FAM13B: variants seen among roughly 807,000 people sequenced by gnomAD.
FAM13B encodes protein FAM13B.
FAM13B carries 60 observed loss-of-function variants against 117.3 expected under a neutral mutation model. The ratio of observed to expected loss-of-function variants is 0.51; its 90% CI spans 0.42 to 0.63. The LOEUF is 0.63. Among genes scored for constraint, FAM13B ranks in the 30% least tolerant of loss-of-function variants. FAM13B has a pLI of 0.00. For synonymous variants in FAM13B, 332 were observed against 356.1 expected (o/e 0.93, Z 0.76); for missense variants, 972 against 1,091.9 (o/e 0.89, Z 1.55).
intron 10 of FAM13B, among the ~76,000 whole-genome samples, chr5:137,967,543 A>T (rs1001304313): frequency 6.6e-6 from 1 of 152,090 alleles, no homozygotes; most frequent in African/African-American, 2.4e-5. Context: ...TGTACAAACC[A>T]AAAAGGAAAA....
At chr5:137,949,491 T>C (rs1199604120) in intron 17 of FAM13B, among the ~76,000 whole-genome samples, 1 of 152,052 alleles carries the variant, frequency 6.6e-6, no homozygotes, top group Non-Finnish European at 1.5e-5. Context: ...TTTTTTAAAT[T>C]AGCCAAGGCT....
chr5:138,020,932 A>G, intron 2 of FAM13B, 99 bp downstream of exon 2: 1 of 764,862 alleles, frequency 1.3e-6, no homozygotes, highest in Non-Finnish European at 1.8e-6. Context: ...GCTAAGAACT[A>G]TAAAACCTCA....
At chr5:137,973,519 T>C (rs551781937) in intron 10 of FAM13B, among the ~76,000 whole-genome samples, 2,170 of 152,220 alleles carry the variant, frequency 0.014, 55 homozygotes, top group African/African-American at 0.049. Flanking sequence ...GAAGAAAACC[T>C]AGGCATTACC....
intron 4 of FAM13B, 53 bp from the exon 5 acceptor site, chr5:138,011,998 G>A (rs1490925134): frequency 5.2e-6 from 7 of 1,348,314 alleles, no homozygotes; most frequent in Non-Finnish European, 7.1e-6. Flanking sequence ...GCAAAGCTCT[G>A]ATATTTTGCC....
At chr5:138,008,953 G>A (rs1286782178) in intron 6 of FAM13B, among the ~76,000 whole-genome samples, 1 of 152,182 alleles carries the variant, frequency 6.6e-6, no homozygotes, top group Non-Finnish European at 1.5e-5. Context: ...GACCAGCCTG[G>A]CCAACATGGC....
chr5:137,945,875 C>A, intron 20 of FAM13B, 27 bp downstream of exon 20: 1 of 1,528,430 alleles, frequency 6.5e-7, no homozygotes, highest in Non-Finnish European at 9.0e-7. Flanking sequence ...TAAAATGAAC[C>A]AGAGAATTAT....
intron 4 of FAM13B, among the ~76,000 whole-genome samples, chr5:138,017,097 T>G (rs72801655): frequency 6.6e-6 from 1 of 152,198 alleles, no homozygotes; most frequent in African/African-American, 2.4e-5. Flanking sequence ...TAATAACATT[T>G]CGTTTTAAAA....
At chr5:138,026,628 CAAAAAAAAAAAAAAAAAAA>C (rs56195021) in intron 1 of FAM13B, among the ~76,000 whole-genome samples, 18 of 29,438 alleles carry the variant, frequency 6.1e-4, no homozygotes, top group Admixed American at 1.1e-3. Flanking sequence ...GACCGTGTCT[CAAAAAAAAAAAAAAAAAAA>C]AAAAAAAATT....
intron 1 of FAM13B, among the ~76,000 whole-genome samples, chr5:138,046,467 A>G (rs904766408): frequency 6.6e-6 from 1 of 152,064 alleles, no homozygotes; most frequent in Non-Finnish European, 1.5e-5. Context: ...CTCTTTCCCT[A>G]ATTGGATGGT....
chr5:138,007,123 C>A lies in FAM13B; in HGVS notation c.715G>T (p.Glu239Ter). ...ATATGTTCCAGCTTTTCATCTTCCT[C>A]TTCTTCCTCAGAAAGTTCATTAACC... ...EQVNELSEEE[E>*]EDEKLEHIEE... is the part of the protein sequence containing the mutation. The change falls in exon 7 of 24, where the codon GAG becomes TAG. Residue 239 changes from glutamate (E) to a stop codon, truncating the protein, a stop_gained. Transcript: ENST00000689681. LOFTEE classifies it high-confidence loss of function. The A allele has an allele frequency of 6.2e-7, 1 of 1,609,470 alleles. No individual in the cohort carries two copies. Among genetic ancestry groups the A allele is most frequent in the Non-Finnish European group, 8.5e-7 (1 of 1,178,892 alleles).
chr5:138,012,460 C>A (rs1485006431), intron 4 of FAM13B, among the ~76,000 whole-genome samples: 3 of 152,126 alleles, frequency 2.0e-5, no homozygotes, highest in Admixed American at 1.3e-4. Flanking sequence ...CTTCTCCTGG[C>A]GTCCTAAAAT....
chr5:137,953,222 G>A, intron 16 of FAM13B, 114 bp downstream of exon 16: 3 of 1,119,096 alleles, frequency 2.7e-6, no homozygotes, highest in Non-Finnish European at 3.9e-6. Flanking sequence ...TGTTCCTCCG[G>A]GTATCTCAGA....
rs185596168 is a variant in FAM13B, at chr5:138,007,008, T to C, written c.830A>G (p.Asn277Ser). 24 of 1,609,362 alleles carry C rather than the reference T, an allele frequency of 1.5e-5. No individual in the cohort carries two copies. The Admixed American group carries it at 3.1e-4, about 21-fold the overall frequency. The change falls in exon 7 of 24, where the codon AAT (asparagine) becomes AGT (serine). Residue 277 changes from asparagine to serine, a missense_variant. Physicochemically the swap from Asn to Ser is conservative, Grantham distance 46 (BLOSUM62 1). Transcript: ENST00000689681. ...CTATTACCTTGTTGCCGTAACACTA[T>C]TTGATTCCAGGATGTTTTCAGTCAT... ...LRMTENILES[N>S]SVTATSTHIS... is the part of the protein sequence containing the mutation.
chr5:138,014,200 G>C (rs758728120), intron 4 of FAM13B, among the ~76,000 whole-genome samples: 1 of 152,214 alleles, frequency 6.6e-6, no homozygotes, highest in Non-Finnish European at 1.5e-5. Flanking sequence ...GCCTCCCAAA[G>C]TGCTGGGATT....
chr5:138,002,927 G>A (rs1389956582), intron 7 of FAM13B, among the ~76,000 whole-genome samples: 1 of 151,400 alleles, frequency 6.6e-6, no homozygotes, highest in Admixed American at 6.6e-5. Context: ...GCCTGCCTCA[G>A]CCTCCCAAAG....
rs1180809792 is a variant in FAM13B at position 138,033,011 on chromosome 5, A to C, written c.-432T>G. The C allele has an allele frequency of 2.0e-6, 2 of 986,816 alleles. No individual in the cohort carries two copies. Among genetic ancestry groups the C allele is most frequent in the Non-Finnish European group, 2.4e-6 (2 of 831,340 alleles). The allele number at this position is 986,816 out of a possible 1,614,324, so 61.1% of individuals were successfully genotyped here. ...GGCGACGCAGACGCGGAACAGGGGGAGAGAGTGGCGACAGAGGCGGCGGCT... is the reference window on the plus strand; with the variant it reads ...GGCGACGCAGACGCGGAACAGGGGGCGAGAGTGGCGACAGAGGCGGCGGCT... On this transcript the variant is annotated 5_prime_UTR_variant, in exon 1 of 24. Transcript: ENST00000689681.
intron 1 of FAM13B, among the ~76,000 whole-genome samples, chr5:138,043,336 C>T (rs566041014): frequency 6.6e-6 from 1 of 152,240 alleles, no homozygotes; most frequent in Admixed American, 6.5e-5. Flanking sequence ...GCACTCCACC[C>T]TGGATGACAG....
At chr5:138,021,682 C>T (rs775379321) in intron 1 of FAM13B, among the ~76,000 whole-genome samples, 1 of 152,010 alleles carries the variant, frequency 6.6e-6, no homozygotes, top group Non-Finnish European at 1.5e-5. Flanking sequence ...TTTAGAGAAG[C>T]GATAGCATAT....
At chr5:137,950,692 TA>T (rs1376354547) in intron 17 of FAM13B, among the ~76,000 whole-genome samples, 1 of 152,108 alleles carries the variant, frequency 6.6e-6, no homozygotes, top group East Asian at 1.9e-4. Context: ...ATGACTTTTT[TA>T]AAGATAATTC....
Sources: gnomAD v4.1 joint callset for allele counts (sites outside exome capture counted in the v4.1 genomes callset) on GRCh38, gnomAD v4.1.1 for gene constraint, MANE v1.5 for transcripts, NCBI Gene and HGNC (gene_info 2026-07-23, HGNC 2026-07-21) for gene names.